DIABLO: variants seen among roughly 807,000 people sequenced by gnomAD.
DIABLO encodes diablo IAP-binding mitochondrial protein, also known as diablo homolog, mitochondrial.
DIABLO carries 32 observed loss-of-function variants against 31.7 expected under a neutral mutation model. The ratio of observed to expected loss-of-function variants is 1.01; its 90% CI spans 0.76 to 1.35. The LOEUF is 1.35. Among genes scored for constraint, DIABLO ranks in the 40% most tolerant of loss-of-function variants. The pLI is 0.00. For synonymous variants in DIABLO, 132 were observed against 103.2 expected, an observed-to-expected ratio of 1.28 and a Z score of -1.69; for missense variants, 316 against 286.4, an observed-to-expected ratio of 1.10 and a Z score of -0.75.
intron 2 of DIABLO, among the ~76,000 whole-genome samples, chr12:122,220,184 G>A (rs534388956): frequency 6.6e-6 from 1 of 151,938 alleles, no homozygotes; most frequent in Non-Finnish European, 1.5e-5. Flanking sequence ...GACCTCAAGT[G>A]ATACACATGC....
At chr12:122,225,165 A>G (rs1463515423) in intron 1 of DIABLO, 6 of 281,336 alleles carry the variant, frequency 2.1e-5, no homozygotes, top group Non-Finnish European at 4.1e-5. Flanking sequence ...GTGAGCCGAG[A>G]GCGCCCCACT....
At chr12:122,213,579 T>A (rs1234834803) in intron 5 of DIABLO, among the ~76,000 whole-genome samples, 1 of 152,092 alleles carries the variant, frequency 6.6e-6, no homozygotes, top group Non-Finnish European at 1.5e-5. Flanking sequence ...TGTCTACTTT[T>A]CTCAAATAAT....
At chr12:122,211,018 C>G (rs984217182) in intron 5 of DIABLO, among the ~76,000 whole-genome samples, 1 of 143,466 alleles carries the variant, frequency 7.0e-6, no homozygotes, top group Non-Finnish European at 1.5e-5. Context: ...ACAGCATTCC[C>G]GCATGGACCC....
intron 2 of DIABLO, among the ~76,000 whole-genome samples, chr12:122,219,546 A>T (rs770200807): frequency 9.9e-5 from 15 of 152,072 alleles, no homozygotes; most frequent in Non-Finnish European, 2.2e-4. Flanking sequence ...CACAAGTTTG[A>T]TGAGGATTAA....
At chr12:122,215,052 G>A in intron 5 of DIABLO, among the ~76,000 whole-genome samples, 1 of 152,200 alleles carries the variant, frequency 6.6e-6, no homozygotes, top group South Asian at 2.1e-4. Flanking sequence ...AGCCGGCTGG[G>A]TGCGGTGGCT....
At chr12:122,218,158 TG>T in intron 3 of DIABLO, 107 bp downstream of exon 3, 1 of 1,324,264 alleles carries the variant, frequency 7.6e-7, no homozygotes, top group Non-Finnish European at 1.1e-6. Context: ...CAAATAGGCC[TG>T]GCTATGTTTC....
intron 2 of DIABLO, among the ~76,000 whole-genome samples, chr12:122,222,838 C>G (rs1954364661): frequency 6.6e-6 from 1 of 152,132 alleles, no homozygotes; most frequent in Non-Finnish European, 1.5e-5. Flanking sequence ...AGAGGCAGAG[C>G]TCAGGCAGTA....
chr12:122,222,645 C>G (rs1021847280), intron 2 of DIABLO: 1 of 151,916 alleles, frequency 6.6e-6, no homozygotes, highest in African/African-American at 2.4e-5. Context: ...GGGACCGGCT[C>G]TGTTGAAGAC....
chr12:122,225,693 G>C, intron 1 of DIABLO: 7 of 1,401,092 alleles, frequency 5.0e-6, no homozygotes, highest in African/African-American at 1.5e-5. Context: ...GACGAGGGCT[G>C]GTCAGGAGGC....
At chr12:122,226,844 C>T (rs2136113417), upstream of DIABLO, among the ~76,000 whole-genome samples, 1 of 152,368 alleles carries the variant, frequency 6.6e-6, no homozygotes, top group Middle Eastern at 3.4e-3. Flanking sequence ...GAGTTTTCCT[C>T]CCTGGCCCGC....
At chr12:122,213,077 T>C (rs1488761604) in intron 5 of DIABLO, among the ~76,000 whole-genome samples, 1 of 152,092 alleles carries the variant, frequency 6.6e-6, no homozygotes, top group Non-Finnish European at 1.5e-5. Context: ...CCCATCACCA[T>C]GCCTGGCTAA....
Position 122,208,179 on chromosome 12 carries a change from C to A in DIABLO, c.*202G>T. On this transcript the variant is annotated 3_prime_UTR_variant, in exon 6 of 6. Coordinates refer to ENST00000464942, the MANE Select transcript of DIABLO (RefSeq NM_001371333.1). Reference sequence around the variant, plus strand: ...GTGAAATGTTAAACAGGGTGCAGTGCCCAAGGGCTAAGAACCAGGTCCAGC... The same window carrying A: ...GTGAAATGTTAAACAGGGTGCAGTGACCAAGGGCTAAGAACCAGGTCCAGC... 1.4e-6 allele frequency: 1 copy of A among 715,660 alleles called. No homozygotes were observed. Among genetic ancestry groups the A allele is most frequent in the Non-Finnish European group, 2.5e-6 (1 of 400,738 alleles). 44.3% of individuals were successfully genotyped at this position (715,660 alleles called of 1,614,324 possible).
chr12:122,225,988 C>G lies in DIABLO; in HGVS notation c.27G>C (p.Ser9=), dbSNP rs780912930. Residue 9 remains serine (S), a synonymous_variant, in exon 1 of 6, where the codon TCG becomes TCC. Coordinates refer to ENST00000464942, the MANE Select transcript of DIABLO (RefSeq NM_001371333.1). MAALKSWL[S]RSVTSFFRYR... ...ACCTGAAGAATGAAGTTACGCTGCG[C>G]GACAGCCAACTCTTCAGAGCCGCCA... The G allele has an allele frequency of 1.6e-5, 26 of 1,602,358 alleles. No homozygotes were observed. Among genetic ancestry groups the G allele is most frequent in the Non-Finnish European group, 2.2e-5 (26 of 1,175,394 alleles).
chr12:122,209,037 T>G lies in DIABLO; in HGVS notation c.524-460A>C, dbSNP rs1954013600. 1.7e-5 allele frequency: 5 copies of G among 298,954 alleles called. No homozygotes were observed. In the Admixed American group the frequency reaches 2.5e-4, roughly 15 times the overall value. The allele number at this position is 298,954 out of a possible 1,614,324, so 18.5% of individuals were successfully genotyped here. The stretch of plus-strand genomic sequence containing the variant: ...ATTTATGTAACAGCATAAAAGGTAT[T>G]AAATATGTTTTATAATTTTTTCACT... On this transcript the variant is annotated intron_variant, in intron 5 of 5. Transcript: ENST00000464942.
At chr12:122,226,541 G>A (rs1029565717), upstream of DIABLO, 27 of 698,720 alleles carry the variant, frequency 3.9e-5, no homozygotes, top group African/African-American at 4.7e-4. Flanking sequence ...GCTGCAGCAC[G>A]TGGACGGTGG....
chr12:122,211,366 T>G (rs998857179), intron 5 of DIABLO, among the ~76,000 whole-genome samples: 2 of 151,832 alleles, frequency 1.3e-5, no homozygotes, highest in African/African-American at 2.4e-5. Context: ...GGAACTGCAC[T>G]CCAACCCGGG....
chr12:122,214,873 T>C (rs1460439111), intron 5 of DIABLO, among the ~76,000 whole-genome samples: 2 of 152,154 alleles, frequency 1.3e-5, no homozygotes, highest in Non-Finnish European at 2.9e-5. Flanking sequence ...GTATTTTTAG[T>C]AGAGACAGGG....
At chr12:122,225,498 TTGTG>T in intron 1 of DIABLO, 1 of 1,032,706 alleles carries the variant, frequency 9.7e-7, no homozygotes, top group Non-Finnish European at 1.2e-6. Flanking sequence ...TGGGTGCCAG[TTGTG>T]TGTGACGGTC....
intron 5 of DIABLO, among the ~76,000 whole-genome samples, chr12:122,210,642 G>C (rs1319445330): frequency 1.3e-5 from 2 of 152,042 alleles, no homozygotes; most frequent in African/African-American, 2.4e-5. Context: ...GCCTCCCAAA[G>C]TGCTGGGATT....
Sources: allele counts gnomAD v4.1 joint callset (sites outside exome capture counted in the v4.1 genomes callset), GRCh38; gene constraint gnomAD v4.1.1; transcripts MANE v1.5; gene names NCBI Gene and HGNC (gene_info 2026-07-23, HGNC 2026-07-21).